AFF2: variants seen among roughly 807,000 people sequenced by gnomAD.
AFF2 encodes AF4/FMR2 family member 2.
AFF2 carries 14 observed loss-of-function variants against 76.9 expected under a neutral mutation model. That is an observed-to-expected ratio of 0.18 (90% CI 0.12 to 0.28). AFF2 has a LOEUF of 0.28. Ranked by LOEUF, AFF2 falls within the 10% of genes least tolerant of loss-of-function variation. The pLI, the probability that AFF2 is intolerant of heterozygous loss-of-function variation, is 1.00. For missense variants in AFF2, 868 were observed against 1,001.1 expected, an observed-to-expected ratio of 0.87 and a Z score of 1.79; for synonymous variants, 398 against 366.7, an observed-to-expected ratio of 1.09 and a Z score of -0.98.
chrX:148,884,987 G>A (rs1420313859), intron 7 of AFF2, among the ~76,000 whole-genome samples: 1 of 111,719 alleles, frequency 9.0e-6, no homozygotes, highest in African/African-American at 3.3e-5. Context: ...CAGAGAGGCT[G>A]AGACTGTCCC....
At chrX:148,832,990 C>T (rs1557273463) in intron 4 of AFF2, among the ~76,000 whole-genome samples, 1 of 111,761 alleles carries the variant, frequency 8.9e-6, no homozygotes, top group African/African-American at 3.3e-5. Context: ...ATCATCTCTT[C>T]AGTTTGAGCT....
At chrX:148,903,437 G>C (rs1420446519) in intron 8 of AFF2, among the ~76,000 whole-genome samples, 1 of 111,936 alleles carries the variant, frequency 8.9e-6, no homozygotes, top group Non-Finnish European at 1.9e-5. Context: ...ACAGAAATAA[G>C]AGGGCTGTTG....
Position 148,914,074 on chromosome X carries a change from G to C in AFF2, c.1397+9816G>C, listed in dbSNP as rs782584817. Among the ~76,000 whole-genome samples, 6 of 111,833 alleles carry C rather than the reference G, an allele frequency of 5.4e-5. No homozygotes were observed. The East Asian group carries it at 1.7e-3, about 31-fold the overall frequency. ...AAGCCATTACACTACAGAATAGGTCGTTTGTATGATTGAAGCATGTGTAGC... is the reference window on the plus strand; with the variant it reads ...AAGCCATTACACTACAGAATAGGTCCTTTGTATGATTGAAGCATGTGTAGC... On this transcript the variant is annotated intron_variant, in intron 9 of 20. Transcript: ENST00000370460.
At chrX:148,808,670 G>T (rs891457771) in intron 3 of AFF2, among the ~76,000 whole-genome samples, 10 of 111,867 alleles carry the variant, frequency 8.9e-5, no homozygotes, top group African/African-American at 3.3e-4. Flanking sequence ...ACTGTCTCAG[G>T]CTGTCTCCCC....
intron 3 of AFF2, chrX:148,719,248 G>C: frequency 9.0e-7 from 1 of 1,116,368 alleles, no homozygotes. Context: ...AATATGAGTT[G>C]GCTGTAGAAG....
chrX:148,915,165 C>T (rs1216781090), intron 9 of AFF2, among the ~76,000 whole-genome samples: 1 of 111,796 alleles, frequency 8.9e-6, no homozygotes, highest in Admixed American at 9.4e-5. Flanking sequence ...TAGAGAGCCA[C>T]CATTGAAAAA....
intron 9 of AFF2, among the ~76,000 whole-genome samples, chrX:148,925,071 C>T (rs1254672685): frequency 1.8e-5 from 2 of 112,457 alleles, no homozygotes; most frequent in Non-Finnish European, 3.8e-5. Context: ...AGTTTGCATA[C>T]GTCCCTTCCT....
At chrX:148,774,675 C>T (rs892313708) in intron 3 of AFF2, among the ~76,000 whole-genome samples, 2 of 111,724 alleles carry the variant, frequency 1.8e-5, no homozygotes, top group Non-Finnish European at 3.8e-5. Flanking sequence ...TACTCACTCT[C>T]TCCGTCTTAC....
At chrX:148,806,452 C>T (rs1043035349) in intron 3 of AFF2, among the ~76,000 whole-genome samples, 1 of 111,821 alleles carries the variant, frequency 8.9e-6, no homozygotes, top group African/African-American at 3.3e-5. Context: ...ATGGCAGTGT[C>T]GGTGAACCCG....
chrX:148,877,511 A>G (rs2071048534), intron 7 of AFF2, among the ~76,000 whole-genome samples: 1 of 112,851 alleles, frequency 8.9e-6, no homozygotes, highest in Non-Finnish European at 1.9e-5. Context: ...TGCTGTCAAC[A>G]TTTTAGTTGG....
At chrX:148,708,885 T>C (rs1237034098) in intron 3 of AFF2, among the ~76,000 whole-genome samples, 1 of 112,111 alleles carries the variant, frequency 8.9e-6, no homozygotes, top group African/African-American at 3.2e-5. Flanking sequence ...TATTTTACCG[T>C]TTTTCTGTAT....
intron 11 of AFF2, among the ~76,000 whole-genome samples, chrX:148,956,978 A>G (rs1288358474): frequency 1.8e-5 from 2 of 112,749 alleles, no homozygotes; most frequent in African/African-American, 6.4e-5. Flanking sequence ...CAGTCCAGTT[A>G]TACTCTAAGT....
At chrX:148,766,011 A>G (rs1415019591) in intron 3 of AFF2, among the ~76,000 whole-genome samples, 1 of 110,088 alleles carries the variant, frequency 9.1e-6, no homozygotes, top group Non-Finnish European at 1.9e-5. Flanking sequence ...AATTTCATCC[A>G]TGTCTCTACA....
At chrX:148,842,844 G>T (rs2070616899) in intron 5 of AFF2, 122 bp from the exon 6 acceptor site, 1 of 524,423 alleles carries the variant, frequency 1.9e-6, no homozygotes, top group African/African-American at 2.4e-5. Context: ...TAATGGAATT[G>T]TTAACAGCAG....
intron 19 of AFF2, among the ~76,000 whole-genome samples, chrX:148,983,476 G>A (rs1160439090): frequency 2.7e-5 from 3 of 111,791 alleles, no homozygotes; most frequent in African/African-American, 9.8e-5. Flanking sequence ...AACTATGCTT[G>A]GCACATAGAG....
chrX:148,719,299 C>G (rs1368589285), intron 3 of AFF2: 2 of 836,995 alleles, frequency 2.4e-6, no homozygotes. Flanking sequence ...GCTTTTCTCT[C>G]TCTTTACAAA....
chrX:148,715,437 CACA>C (rs1569554093), intron 3 of AFF2, among the ~76,000 whole-genome samples: 1 of 110,990 alleles, frequency 9.0e-6, no homozygotes, highest in African/African-American at 3.3e-5. Flanking sequence ...CGCTGGCACA[CACA>C]GACATACACA....
chrX:148,888,602 A>G lies in AFF2; in HGVS notation c.1359+2617A>G, dbSNP rs1416280877. On this transcript the variant is annotated intron_variant, in intron 8 of 20. Coordinates refer to ENST00000370460, the MANE Select transcript of AFF2 (RefSeq NM_002025.4). ...AATCACCAAAATCATTTTGTTTTAGATAATATAGTGCCATGCATATAACAT... is the reference window on the plus strand; with the variant it reads ...AATCACCAAAATCATTTTGTTTTAGGTAATATAGTGCCATGCATATAACAT... Among the ~76,000 whole-genome samples the G allele has an allele frequency of 2.7e-5, 3 of 112,030 alleles. No individual in the cohort carries two copies. The Admixed American group carries it at 2.8e-4, about 11-fold the overall frequency.
chrX:148,965,599 T>G (rs1484624711), intron 13 of AFF2, among the ~76,000 whole-genome samples: 1 of 111,457 alleles, frequency 9.0e-6, no homozygotes, highest in Admixed American at 9.5e-5. Flanking sequence ...GGGAAGACCA[T>G]CCTGCCATTA....
Sources: gnomAD v4.1 joint callset for allele counts (sites outside exome capture counted in the v4.1 genomes callset) on GRCh38, gnomAD v4.1.1 for gene constraint, MANE v1.5 for transcripts, NCBI Gene and HGNC (gene_info 2026-07-23, HGNC 2026-07-21) for gene names.